DSCAML1: variants seen among roughly 807,000 people sequenced by gnomAD.
The protein encoded by DSCAML1 is DS cell adhesion molecule like 1.
In DSCAML1, 38 loss-of-function variants were observed where a neutral mutation model predicts 200.5. The observed-to-expected ratio is 0.19, with a 90% confidence interval of 0.15 to 0.25. DSCAML1 has a LOEUF of 0.25. DSCAML1 is among the 10% of genes least tolerant of loss of function. The pLI, the probability that DSCAML1 is intolerant of heterozygous loss-of-function variation, is 1.00. For missense variants in DSCAML1, 2,223 were observed against 2,858.8 expected, an observed-to-expected ratio of 0.78 and a Z score of 5.07; for synonymous variants, 1,215 against 1,165.0, an observed-to-expected ratio of 1.04 and a Z score of -0.87.
intron 3 of DSCAML1, among the ~76,000 whole-genome samples, chr11:117,771,170 G>A (rs138323182): frequency 2.7e-3 from 414 of 152,284 alleles, no homozygotes; most frequent in African/African-American, 9.3e-3. Flanking sequence ...TCGAGTTGGT[G>A]TAGATTCGTG....
chr11:117,583,909 CA>C (rs2051091173), intron 3 of DSCAML1, among the ~76,000 whole-genome samples: 1 of 152,222 alleles, frequency 6.6e-6, no homozygotes, highest in Non-Finnish European at 1.5e-5. Flanking sequence ...TGCATTTTAA[CA>C]GGCACAATGC....
chr11:117,661,085 G>A (rs777888335), intron 3 of DSCAML1, among the ~76,000 whole-genome samples: 1 of 152,138 alleles, frequency 6.6e-6, no homozygotes, highest in Admixed American at 6.5e-5. Flanking sequence ...AAATGCCTAG[G>A]CCACTGTTCC....
chr11:117,701,185 G>A (rs1221771559), intron 3 of DSCAML1, among the ~76,000 whole-genome samples: 1 of 152,144 alleles, frequency 6.6e-6, no homozygotes, highest in Non-Finnish European at 1.5e-5. Context: ...AGAATTGCTG[G>A]AACCCGGAAG....
Position 117,431,004 on chromosome 11 carries a change from C to A in DSCAML1, c.5404G>T (p.Glu1802Ter). Residue 1802 changes from glutamate (E) to a stop codon, truncating the protein, a stop_gained, in exon 32 of 33, where the codon GAG becomes TAG. Transcript: ENST00000651296. LOFTEE classifies it high-confidence loss of function. ...DKGRNSMVST[E>*]SASSTYEELA... ...TCCTCGTAGGTGGAAGAGGCACTCTCAGTGGACACCATGCTGTTCCTTCCT... is the reference window on the plus strand; with the variant it reads ...TCCTCGTAGGTGGAAGAGGCACTCTAAGTGGACACCATGCTGTTCCTTCCT... The A allele has an allele frequency of 6.2e-7, 1 of 1,613,814 alleles. No homozygotes were observed. Among genetic ancestry groups the A allele is most frequent in the Non-Finnish European group, 8.5e-7 (1 of 1,179,892 alleles).
intron 3 of DSCAML1, among the ~76,000 whole-genome samples, chr11:117,630,303 G>A (rs1158515869): frequency 6.6e-6 from 1 of 152,176 alleles, no homozygotes; most frequent in Non-Finnish European, 1.5e-5. Context: ...CTGAACAGGC[G>A]TCGAATGCAC....
chr11:117,605,687 G>A (rs546854501), intron 3 of DSCAML1, among the ~76,000 whole-genome samples: 1 of 152,190 alleles, frequency 6.6e-6, no homozygotes, highest in East Asian at 1.9e-4. Context: ...GGGAAGAGGC[G>A]AGAACATGGG....
At chr11:117,690,355 A>G (rs111940587) in intron 3 of DSCAML1, among the ~76,000 whole-genome samples, 8,064 of 152,300 alleles carry the variant, frequency 0.053, 299 homozygotes, top group Non-Finnish European at 0.071. Flanking sequence ...AGGAAGCTTA[A>G]AGCCCCAAAA....
At chr11:117,685,900 G>A (rs769980059) in intron 3 of DSCAML1, among the ~76,000 whole-genome samples, 3 of 152,192 alleles carry the variant, frequency 2.0e-5, no homozygotes, top group Non-Finnish European at 4.4e-5. Context: ...AGCACCTGCT[G>A]CATTTGAGGC....
intron 3 of DSCAML1, among the ~76,000 whole-genome samples, chr11:117,605,129 C>G (rs774334704): frequency 1.2e-4 from 18 of 152,266 alleles, no homozygotes; most frequent in Non-Finnish European, 2.1e-4. Flanking sequence ...CCTGGGCTCA[C>G]GCAATCCTCC....
intron 4 of DSCAML1, among the ~76,000 whole-genome samples, chr11:117,531,898 AGAAAGGGAAGGGAAG>A (rs573129391): frequency 0.086 from 12,020 of 139,500 alleles, 776 homozygotes; most frequent in South Asian, 0.19. Context: ...GGAAAAAGAA[AGAAAGGGAAGGGAAG>A]GAAAGGGAAG....
intron 3 of DSCAML1, among the ~76,000 whole-genome samples, chr11:117,550,067 A>G (rs139694333): frequency 1.3e-5 from 2 of 152,126 alleles, no homozygotes; most frequent in African/African-American, 4.8e-5. Flanking sequence ...ATTTCTTGCT[A>G]CCCCTAGCTC....
At chr11:117,566,520 G>C (rs2050759420) in intron 3 of DSCAML1, among the ~76,000 whole-genome samples, 1 of 145,568 alleles carries the variant, frequency 6.9e-6, no homozygotes, top group East Asian at 2.0e-4. Context: ...GCTAACTTTT[G>C]TATTTTTTTG....
intron 27 of DSCAML1, among the ~76,000 whole-genome samples, chr11:117,435,363 A>G (rs577279087): frequency 5.9e-5 from 9 of 152,358 alleles, no homozygotes; most frequent in Admixed American, 1.3e-4. Context: ...CAACATGGAA[A>G]TGTTTAAATA....
chr11:117,698,926 G>A lies in DSCAML1; in HGVS notation c.511+77865C>T, dbSNP rs531668074. ...GCCCCATCCAACTAGTTTTGCCAAC[G>A]CACATGACACTTACGCACAACACCG... is the stretch of plus-strand genomic sequence containing the variant. On this transcript the variant is annotated intron_variant, in intron 3 of 32. Coordinates refer to ENST00000651296, the MANE Select transcript of DSCAML1 (RefSeq NM_020693.4). Among the ~76,000 whole-genome samples, 229 of 152,268 alleles carry A rather than the reference G, an allele frequency of 1.5e-3. 1 individual carries two copies. The highest frequency in any genetic ancestry group is 2.5e-4 in the Non-Finnish European group (17 of 68,020).
chr11:117,643,752 C>T (rs1221512628), intron 3 of DSCAML1, among the ~76,000 whole-genome samples: 1 of 152,140 alleles, frequency 6.6e-6, no homozygotes, highest in Non-Finnish European at 1.5e-5. Flanking sequence ...CCATCCCTCT[C>T]GCCACCAGCA....
intron 3 of DSCAML1, among the ~76,000 whole-genome samples, chr11:117,696,842 C>G (rs772494704): frequency 6.6e-6 from 1 of 152,198 alleles, no homozygotes; most frequent in Non-Finnish European, 1.5e-5. Context: ...ATGTTCAATC[C>G]CTGCCCAACA....
intron 3 of DSCAML1, among the ~76,000 whole-genome samples, chr11:117,714,405 T>C (rs913435062): frequency 6.6e-6 from 1 of 152,156 alleles, no homozygotes; most frequent in Non-Finnish European, 1.5e-5. Context: ...AGGTGGTGCC[T>C]GCTCAGAAAT....
chr11:117,814,562 G>A (rs552100027), intron 1 of DSCAML1, among the ~76,000 whole-genome samples: 5 of 152,332 alleles, frequency 3.3e-5, no homozygotes, highest in East Asian at 3.9e-4. Context: ...AACCAGTCAC[G>A]TGTGCACTCA....
intron 3 of DSCAML1, among the ~76,000 whole-genome samples, chr11:117,736,065 C>A (rs376936592): frequency 1.3e-5 from 2 of 152,290 alleles, no homozygotes; most frequent in Admixed American, 6.5e-5. Context: ...TTATCTACTG[C>A]TGCAAAACAA....
Sources: gnomAD v4.1 joint callset for allele counts (sites outside exome capture counted in the v4.1 genomes callset) on GRCh38, gnomAD v4.1.1 for gene constraint, MANE v1.5 for transcripts, NCBI Gene and HGNC (gene_info 2026-07-23, HGNC 2026-07-21) for gene names.